ZNF853: variants seen among roughly 807,000 people sequenced by gnomAD.
ZNF853 encodes the protein zinc finger protein 853.
Under a neutral mutation model 94.7 loss-of-function variants are expected in ZNF853, and 57 were observed. The ratio of observed to expected loss-of-function variants is 0.60; its 90% CI spans 0.49 to 0.75. ZNF853 has a LOEUF of 0.75. Ranked by LOEUF, ZNF853 falls within the 30% of genes least tolerant of loss-of-function variation. ZNF853 has a pLI of 0.00. For synonymous variants in ZNF853, 448 were observed against 406.3 expected, an observed-to-expected ratio of 1.10 and a Z score of -1.23; for missense variants, 785 against 868.9, an observed-to-expected ratio of 0.90 and a Z score of 1.21.
rs1399519608 is a variant in ZNF853 at position 6,622,412 on chromosome 7, A to AGCG, written c.1434_1436dup (p.Arg479dup). The stretch of plus-strand genomic sequence containing the variant: ...AGCGCGGCGTTGACCCCTGCACGGC[A>AGCG]GCGGCGGCGGCGGCGCGCTCGGGAC... On this transcript the variant is annotated inframe_insertion, in exon 3 of 3. Coordinates refer to ENST00000457543, the MANE Select transcript of ZNF853 (RefSeq NM_017560.3). 8 of 1,407,982 alleles carry AGCG rather than the reference A, an allele frequency of 5.7e-6. No individual in the cohort carries two copies. Among genetic ancestry groups the AGCG allele is most frequent in the African/African-American group, 4.6e-5 (3 of 65,030 alleles). 87.2% of individuals were successfully genotyped at this position (1,407,982 alleles called of 1,614,324 possible).
At chr7:6,616,396 G>GAC in intron 1 of ZNF853, among the ~76,000 whole-genome samples, 1 of 152,194 alleles carries the variant, frequency 6.6e-6, no homozygotes, top group Non-Finnish European at 1.5e-5. Context: ...GGTGGCAGCT[G>GAC]ACACACGTGG....
Position 6,622,622 on chromosome 7 carries a change from C to A in ZNF853, c.1631C>A (p.Ser544Tyr). The stretch of plus-strand genomic sequence containing the variant: ...ACGGGCGAGAAACCCTACGCCTGCT[C>A]CTACTGCGCCAAGCGCTTCAGCGAG... Reference protein sequence around the residue: ...IHTGEKPYACSYCAKRFSESS... With the variant: ...IHTGEKPYACYYCAKRFSESS... Residue 544 changes from serine to tyrosine, a missense_variant, in exon 3 of 3, where the codon TCC (serine) becomes TAC (tyrosine). Coordinates refer to ENST00000457543, the MANE Select transcript of ZNF853 (RefSeq NM_017560.3). The A allele has an allele frequency of 6.3e-7, 1 of 1,582,080 alleles. No homozygotes were observed. The highest frequency in any genetic ancestry group is 8.6e-7 in the Non-Finnish European group (1 of 1,165,116).
intron 2 of ZNF853, chr7:6,617,578 C>T: frequency 2.0e-6 from 2 of 985,194 alleles, no homozygotes; most frequent in Non-Finnish European, 2.4e-6. Context: ...GCTGTGTTTC[C>T]TGGCAGCCAG....
In ZNF853 at chr7:6,623,101, C is replaced by A; in HGVS notation, c.*130C>A. The A allele has an allele frequency of 1.5e-6, 1 of 688,554 alleles. No individual in the cohort carries two copies. The highest frequency in any genetic ancestry group is 2.0e-6 in the Non-Finnish European group (1 of 490,942). 42.7% of individuals were successfully genotyped at this position (688,554 alleles called of 1,614,324 possible). ...CCCTGGAGTAAAAGGCTTCCACCAT[C>A]ATCATCATCATCATCTTCCGGATTC... On this transcript the variant is annotated 3_prime_UTR_variant, in exon 3 of 3. Transcript: ENST00000457543.
rs1782500256 is a variant in ZNF853, at chr7:6,616,117, A to AG, written c.-58_-57insG. ...GAGCCGGCTGCACGCCGTGGCCTTC[A>AG]CCTCGCAGCCTCTGCTGACCACACC... On this transcript the variant is annotated 5_prime_UTR_variant, in exon 1 of 3. The change abolishes the stop of an existing upstream ORF in the 5' untranslated region. Coordinates refer to ENST00000457543, the MANE Select transcript of ZNF853 (RefSeq NM_017560.3). The AG allele has an allele frequency of 3.9e-6, 6 of 1,522,102 alleles. No individual in the cohort carries two copies. In the African/African-American group the frequency reaches 8.4e-5, roughly 21 times the overall value. 94.3% of individuals were successfully genotyped at this position (1,522,102 alleles called of 1,614,324 possible). A position where few individuals can be genotyped will look rare whatever the true frequency, so the allele number is the denominator to read the frequency against.
In ZNF853 at chr7:6,623,193, C is replaced by G. The variant is rs1172362613; in HGVS notation, c.*222C>G. ...ATCCATCCGCCAAAAGAGAAGTGGA[C>G]CGGGGCTGAAACAGCACACGGGACA... On this transcript the variant is annotated 3_prime_UTR_variant, in exon 3 of 3. Coordinates refer to ENST00000457543, the MANE Select transcript of ZNF853 (RefSeq NM_017560.3). 26 of 438,720 alleles carry G rather than the reference C, an allele frequency of 5.9e-5. No individual in the cohort carries two copies. Among genetic ancestry groups the G allele is most frequent in the Admixed American group, 2.6e-4 (6 of 22,756 alleles). The allele number at this position is 438,720 out of a possible 1,614,324, so 27.2% of individuals were successfully genotyped here.
At chr7:6,618,637 G>A in intron 2 of ZNF853, among the ~76,000 whole-genome samples, 2 of 152,262 alleles carry the variant, frequency 1.3e-5, no homozygotes, top group East Asian at 3.9e-4. Context: ...TTGAGCTTGA[G>A]AGGTTGAGGC....
At chr7:6,620,498 C>T in intron 2 of ZNF853, among the ~76,000 whole-genome samples, 1 of 152,172 alleles carries the variant, frequency 6.6e-6, no homozygotes. Context: ...TAAAGGGAAG[C>T]TCCAAGGAGG....
intron 1 of ZNF853, 82 bp downstream of exon 1, chr7:6,616,268 C>A: frequency 7.0e-7 from 1 of 1,422,656 alleles, no homozygotes; most frequent in Non-Finnish European, 9.6e-7. Flanking sequence ...ACGAGTCGGC[C>A]TGTTTAGGGG....
Position 6,616,073 on chromosome 7 carries a change from A to T in ZNF853, c.-102A>T, listed in dbSNP as rs928463225. The T allele has an allele frequency of 8.2e-7, 1 of 1,226,070 alleles. No homozygotes were observed. The highest frequency in any genetic ancestry group is 2.3e-5 in the Admixed American group (1 of 44,410). 75.9% of individuals were successfully genotyped at this position (1,226,070 alleles called of 1,614,324 possible). On this transcript the variant is annotated 5_prime_UTR_variant, in exon 1 of 3. It removes an upstream start codon present in the reference 5' UTR. Coordinates refer to ENST00000457543, the MANE Select transcript of ZNF853 (RefSeq NM_017560.3). ...CCCTGCGCCTCCTGGCTCTTTCTGG[A>T]TGGAGGCGCCTCCGGAAGGAGCCGG...
chr7:6,621,514 G>C lies in ZNF853; in HGVS notation c.523G>C (p.Glu175Gln). ...GCAACAGCGGTTGCAGCAGCAGCAG[G>C]AGCAGTTACAGACGCAGCAAGCACA... ...QEQQRLQQQQ[E>Q]QLQTQQAQEQ... The change falls in exon 3 of 3, where the codon GAG (glutamate) becomes CAG (glutamine). Residue 175 changes from glutamate (E) to glutamine (Q), a missense_variant. Transcript: ENST00000457543. 2 of 1,551,648 alleles carry C rather than the reference G, an allele frequency of 1.3e-6. No individual in the cohort carries two copies. Among genetic ancestry groups the C allele is most frequent in the Non-Finnish European group, 1.7e-6 (2 of 1,146,968 alleles).
chr7:6,624,115 C>A lies in ZNF853; in HGVS notation c.*1144C>A, dbSNP rs192302568. The stretch of plus-strand genomic sequence containing the variant: ...AAGGTGGGGCAGGGAGGAGGCTGCC[C>A]GCCACCTCTGCCCCCAGTCACTTCC... On this transcript the variant is annotated 3_prime_UTR_variant, in exon 3 of 3. Coordinates refer to ENST00000457543, the MANE Select transcript of ZNF853 (RefSeq NM_017560.3). The A allele has an allele frequency of 6.6e-6, 1 of 152,162 alleles. No homozygotes were observed. Among genetic ancestry groups the A allele is most frequent in the African/African-American group, 2.4e-5 (1 of 41,446 alleles). The allele number at this position is 152,162 out of a possible 1,614,324, so 9.4% of individuals were successfully genotyped here.
At chr7:6,617,140 G>C in intron 1 of ZNF853, 50 bp from the exon 2 acceptor site, 2 of 1,453,660 alleles carry the variant, frequency 1.4e-6, no homozygotes, top group African/African-American at 1.4e-5. Context: ...CACCTGGCGG[G>C]GGTCAAAGCA....
intron 1 of ZNF853, 118 bp from the exon 2 acceptor site, chr7:6,617,072 G>A: frequency 1.4e-6 from 1 of 696,864 alleles, no homozygotes; most frequent in Non-Finnish European, 2.3e-6. Flanking sequence ...AGCAGGTATG[G>A]AGCTGACCGC....
chr7:6,616,897 C>G, intron 1 of ZNF853, among the ~76,000 whole-genome samples: 1 of 152,164 alleles, frequency 6.6e-6, no homozygotes, highest in East Asian at 1.9e-4. Flanking sequence ...AGTTGTGTCT[C>G]TGTGGGGCTA....
chr7:6,621,160 C>T lies in ZNF853; in HGVS notation c.169C>T (p.Pro57Ser). ...GAGCGAGAGTCAGGAGGAGGAAGAG[C>T]CTCAGGAGAGGAACAGCAGTCCACA... Reference protein sequence around the residue: ...GGSESQEEEEPQERNSSPQRP... With the variant: ...GGSESQEEEESQERNSSPQRP... The change falls in exon 3 of 3, where the codon CCT (proline) becomes TCT (serine). Residue 57 changes from proline to serine, a missense_variant. Coordinates refer to ENST00000457543, the MANE Select transcript of ZNF853 (RefSeq NM_017560.3). The T allele has an allele frequency of 1.4e-6, 2 of 1,475,024 alleles. No individual in the cohort carries two copies. Among genetic ancestry groups the T allele is most frequent in the Non-Finnish European group, 9.0e-7 (1 of 1,112,282 alleles). 91.4% of individuals were successfully genotyped at this position (1,475,024 alleles called of 1,614,324 possible).
In ZNF853 at chr7:6,622,935, C is replaced by T. The variant is rs1280202537; in HGVS notation, c.1944C>T (p.Ala648=). 2.2e-5 allele frequency: 27 copies of T among 1,251,888 alleles called. No individual in the cohort carries two copies. The highest frequency in any genetic ancestry group is 3.2e-5 in the East Asian group (1 of 31,670). 77.5% of individuals were successfully genotyped at this position (1,251,888 alleles called of 1,614,324 possible). The change falls in exon 3 of 3, where the codon GCC becomes GCT. Residue 648 remains alanine, a synonymous_variant. Coordinates refer to ENST00000457543, the MANE Select transcript of ZNF853 (RefSeq NM_017560.3). ...ALGGPARAEQ[A]ATATAPADKA... is the part of the protein sequence containing the mutation. ...GTGGCCCAGCCCGCGCGGAGCAGGCCGCTACAGCCACTGCGCCCGCAGACA... is the reference window on the plus strand; with the variant it reads ...GTGGCCCAGCCCGCGCGGAGCAGGCTGCTACAGCCACTGCGCCCGCAGACA...
rs1782674167 is a variant in ZNF853 at position 6,623,114 on chromosome 7, A to G, written c.*143A>G. 1.5e-6 allele frequency: 1 copy of G among 656,242 alleles called. No individual in the cohort carries two copies. The highest frequency in any genetic ancestry group is 2.1e-6 in the Non-Finnish European group (1 of 466,562). The allele number at this position is 656,242 out of a possible 1,614,324, so 40.7% of individuals were successfully genotyped here. On this transcript the variant is annotated 3_prime_UTR_variant, in exon 3 of 3. Coordinates refer to ENST00000457543, the MANE Select transcript of ZNF853 (RefSeq NM_017560.3). ...GGCTTCCACCATCATCATCATCATC[A>G]TCTTCCGGATTCCCTGAGAAAATAC...
Position 6,622,244 on chromosome 7 carries a change from C to T in ZNF853, c.1253C>T (p.Ala418Val). The T allele has an allele frequency of 6.6e-7, 1 of 1,523,484 alleles. No homozygotes were observed. Among genetic ancestry groups the T allele is most frequent in the Non-Finnish European group, 8.8e-7 (1 of 1,139,340 alleles). The allele number at this position is 1,523,484 out of a possible 1,614,324, so 94.4% of individuals were successfully genotyped here. ...QPELQLELVP[A>V]AGGGGAAVPG... is the part of the protein sequence containing the mutation. ...GAGCTGCAGCTGGAACTGGTGCCAGCCGCAGGGGGCGGCGGAGCGGCGGTC... is the reference window on the plus strand; with the variant it reads ...GAGCTGCAGCTGGAACTGGTGCCAGTCGCAGGGGGCGGCGGAGCGGCGGTC... Residue 418 changes from alanine to valine, a missense_variant, in exon 3 of 3, where the codon GCC becomes GTC. By Grantham distance (64) the Ala-to-Val change is moderately conservative. Coordinates refer to ENST00000457543, the MANE Select transcript of ZNF853 (RefSeq NM_017560.3).
Sources: allele counts gnomAD v4.1 joint callset (sites outside exome capture counted in the v4.1 genomes callset), GRCh38; gene constraint gnomAD v4.1.1; transcripts MANE v1.5; gene names NCBI Gene and HGNC (gene_info 2026-07-23, HGNC 2026-07-21).